The following PCYT2 variants were observed in gnomAD, a reference collection of about 807,000 sequenced individuals.
The protein encoded by PCYT2 is ethanolamine-phosphate cytidylyltransferase.
Under a neutral mutation model 50.0 loss-of-function variants are expected in PCYT2, and 33 were observed. The observed-to-expected ratio is 0.66, with a 90% CI of 0.50 to 0.88. The LOEUF (loss-of-function observed/expected upper bound fraction) is 0.88. PCYT2 is among the 40% of genes least tolerant of loss of function. The pLI, the probability that PCYT2 is intolerant of heterozygous loss-of-function variation, is 0.00. For synonymous variants in PCYT2, 240 were observed against 203.7 expected (o/e 1.18, Z -1.52); for missense variants, 430 against 519.7 (o/e 0.83, Z 1.68).
chr17:81,906,965 C>T, intron 6 of PCYT2, 67 bp from the exon 7 acceptor site: 3 of 1,531,230 alleles, frequency 2.0e-6, no homozygotes, highest in Non-Finnish European at 2.7e-6. Flanking sequence ...ACCAGGTCAC[C>T]AAACCCTCAG....
Position 81,902,352 on chromosome 17 carries a change from G to T in PCYT2, c.*2481C>A. 7.4e-7 allele frequency: 1 copy of T among 1,348,746 alleles called. No individual in the cohort carries two copies. Among genetic ancestry groups the T allele is most frequent in the South Asian group, 1.9e-5 (1 of 51,352 alleles). 83.5% of individuals were successfully genotyped at this position (1,348,746 alleles called of 1,614,324 possible). A position where few individuals can be genotyped will look rare whatever the true frequency, so the allele number is the denominator to read the frequency against. ...TGCTGGCGCCGCCTGGCCTCGCGTGGTACAAGCCAGCGGCGGGGCACAGCT... is the reference window on the plus strand; with the variant it reads ...TGCTGGCGCCGCCTGGCCTCGCGTGTTACAAGCCAGCGGCGGGGCACAGCT... On this transcript the variant is annotated 3_prime_UTR_variant, in exon 13 of 13. Transcript: ENST00000538936.
In PCYT2 at chr17:81,901,178, C is replaced by T. The variant is rs895693270; in HGVS notation, c.*3655G>A. Reference sequence around the variant, plus strand: ...TCCGAGAGTCCAAAAGCTGAAGAACCTGGAGGCCGACGTGCGAGGGCGGGA... The same window carrying T: ...TCCGAGAGTCCAAAAGCTGAAGAACTTGGAGGCCGACGTGCGAGGGCGGGA... On this transcript the variant is annotated 3_prime_UTR_variant, in exon 13 of 13. Transcript: ENST00000538936. 2.6e-5 allele frequency: 4 copies of T among 151,618 alleles called. No individual in the cohort carries two copies. Among genetic ancestry groups the T allele is most frequent in the Non-Finnish European group, 5.9e-5 (4 of 67,838 alleles). 9.4% of individuals were successfully genotyped at this position (151,618 alleles called of 1,614,324 possible). A position where few individuals can be genotyped will look rare whatever the true frequency, so the allele number is the denominator to read the frequency against.
In PCYT2 at chr17:81,902,115, A is replaced by G. The variant is rs368625521; in HGVS notation, c.*2718T>C. ...CGCGGCTGGTTCCTTTGGGATGCGG[A>G]GGTGCGACGGCTCCTCCGCGCGCGC... On this transcript the variant is annotated 3_prime_UTR_variant, in exon 13 of 13. Transcript: ENST00000538936. 12 of 510,864 alleles carry G rather than the reference A, an allele frequency of 2.3e-5. No individual in the cohort carries two copies. Among genetic ancestry groups the G allele is most frequent in the African/African-American group, 4.1e-5 (2 of 49,360 alleles). 31.6% of individuals were successfully genotyped at this position (510,864 alleles called of 1,614,324 possible).
In PCYT2 at chr17:81,908,945, G is replaced by C; in HGVS notation, c.271C>G (p.Pro91Ala). The change falls in exon 3 of 13, where the codon CCA (proline) becomes GCA (alanine). Residue 91 changes from proline (P) to alanine (A), a missense_variant. By Grantham distance (27) the Pro-to-Ala change is conservative. Around this residue, in one of 4 missense-constraint regions of PCYT2, gnomAD observed 117 missense variants for 163.9 expected, o/e 0.71. Transcript: ENST00000538936. Reference protein sequence around the residue: ...QAIKWVDEVVPAAPYVTTLET... With the variant: ...QAIKWVDEVVAAAPYVTTLET... ...AGTGTAGTGACGTAGGGAGCCGCTG[G>C]CACCACCTCGTCCACCCATTTGATG... 6.2e-7 allele frequency: 1 copy of C among 1,613,990 alleles called. No individual in the cohort carries two copies. Among genetic ancestry groups the C allele is most frequent in the Non-Finnish European group, 8.5e-7 (1 of 1,179,994 alleles).
rs771656800 is a variant in PCYT2 at position 81,905,422 on chromosome 17, G to C, written c.929C>G (p.Thr310Arg). The change falls in exon 11 of 13, where the codon ACA (threonine) becomes AGA (arginine). Residue 310 changes from threonine (T) to arginine (R), a missense_variant. Transcript: ENST00000538936. Reference protein sequence around the residue: ...FKVDLVCHGKTEIIPDRDGSD... With the variant: ...FKVDLVCHGKREIIPDRDGSD... ...GCCATCCCTGTCAGGGATAATTTCT[G>C]TCTTGCCGTGACACACCAGGTCCAC... is the stretch of plus-strand genomic sequence containing the variant. 5.7e-6 allele frequency: 9 copies of C among 1,567,122 alleles called. No individual in the cohort carries two copies. The Admixed American group carries it at 1.3e-4, about 23-fold the overall frequency.
intron 9 of PCYT2, 63 bp downstream of exon 9, chr17:81,906,037 T>G: frequency 7.0e-7 from 1 of 1,435,756 alleles, no homozygotes; most frequent in Non-Finnish European, 9.6e-7. Context: ...GGGAGGCCCT[T>G]AGTAGGGGGG....
At chr17:81,910,394 C>G (rs2040522799) in intron 1 of PCYT2, among the ~76,000 whole-genome samples, 1 of 152,258 alleles carries the variant, frequency 6.6e-6, no homozygotes, top group South Asian at 2.1e-4. Flanking sequence ...TGCTCCACTG[C>G]ACACCACTGC....
In PCYT2 at chr17:81,902,839, A is replaced by G; in HGVS notation, c.*1994T>C. ...CCCCTCCGGCGCGGGATGGCGCCCCAGGTCTCCCCTACTCCGCTCACCCCG... is the reference window on the plus strand; with the variant it reads ...CCCCTCCGGCGCGGGATGGCGCCCCGGGTCTCCCCTACTCCGCTCACCCCG... On this transcript the variant is annotated 3_prime_UTR_variant, in exon 13 of 13. Transcript: ENST00000538936. The G allele has an allele frequency of 8.3e-7, 1 of 1,197,920 alleles. No homozygotes were observed. The highest frequency in any genetic ancestry group is 1.1e-6 in the Non-Finnish European group (1 of 870,328). 74.2% of individuals were successfully genotyped at this position (1,197,920 alleles called of 1,614,324 possible). A position where few individuals can be genotyped will look rare whatever the true frequency, so the allele number is the denominator to read the frequency against.
chr17:81,908,849 C>A (rs893163224), intron 3 of PCYT2, 27 bp downstream of exon 3: 1 of 1,589,276 alleles, frequency 6.3e-7, no homozygotes. Context: ...TGTCCCCAGG[C>A]CCCCAGGTCC....
At chr17:81,907,321 C>T in intron 6 of PCYT2, 2 of 1,428,790 alleles carry the variant, frequency 1.4e-6, no homozygotes, top group South Asian at 2.6e-5. Context: ...CAAATCCTTG[C>T]TCCTCCAAGC....
chr17:81,906,095 C>T lies in PCYT2; in HGVS notation c.837+5G>A. On this transcript the variant is annotated splice_donor_5th_base_variant and intron_variant, in intron 9 of 12. Coordinates refer to ENST00000538936, the MANE Select transcript of PCYT2 (RefSeq NM_002861.5). ...TCCTTGGGCTGGCTCCTGGCCCCCA[C>T]TCACCCGGCAGGCCAGCACGCTCAG... 2 of 1,608,118 alleles carry T rather than the reference C, an allele frequency of 1.2e-6. No individual in the cohort carries two copies. The highest frequency in any genetic ancestry group is 1.7e-6 in the Non-Finnish European group (2 of 1,176,870).
chr17:81,908,354 C>T (rs566634150), intron 4 of PCYT2, among the ~76,000 whole-genome samples: 43 of 152,370 alleles, frequency 2.8e-4, no homozygotes, highest in African/African-American at 1.0e-3. Context: ...CTTTGGAGCC[C>T]TGGGGCCATG....
rs2040362385 is a variant in PCYT2 at position 81,907,843 on chromosome 17, G to A, written c.422C>T (p.Thr141Met). The A allele has an allele frequency of 1.9e-6, 3 of 1,610,342 alleles. No homozygotes were observed. The highest frequency in any genetic ancestry group is 2.5e-6 in the Non-Finnish European group (3 of 1,177,984). The change falls in exon 5 of 13, where the codon ACG becomes ATG. Residue 141 changes from threonine to methionine, a missense_variant. This residue lies in a region of PCYT2 where 117 missense variants were observed against 163.9 expected (regional missense o/e 0.71). Coordinates refer to ENST00000538936, the MANE Select transcript of PCYT2 (RefSeq NM_002861.5). ...QAGRYRECKRTQGVSTTDLVG... is the reference protein window; with the variant it reads ...QAGRYRECKRMQGVSTTDLVG... The stretch of plus-strand genomic sequence containing the variant: ...GAGGTCTGTGGTGGACACCCCTTGC[G>A]TGCGCTTGCATTCTCTGGGGGACAC...
chr17:81,908,173 C>CG (rs1401724815), intron 4 of PCYT2, among the ~76,000 whole-genome samples: 4 of 149,604 alleles, frequency 2.7e-5, no homozygotes, highest in Non-Finnish European at 6.0e-5. Flanking sequence ...CTCACACCCA[C>CG]GTCCTGCCCG....
At position 81,904,620 on chromosome 17, in the gene PCYT2, A is replaced by G. The variant is rs931118667; in HGVS notation, c.*213T>C. On this transcript the variant is annotated 3_prime_UTR_variant, in exon 13 of 13. Coordinates refer to ENST00000538936, the MANE Select transcript of PCYT2 (RefSeq NM_002861.5). The stretch of plus-strand genomic sequence containing the variant: ...TGCCCGTCTCACTTCCGGCCTCTCC[A>G]CTGTGCTGGACACCCTCTCTGAGCA... 9 of 542,880 alleles carry G rather than the reference A, an allele frequency of 1.7e-5. No homozygotes were observed. The highest frequency in any genetic ancestry group is 2.9e-5 in the Non-Finnish European group (9 of 306,164). The allele number at this position is 542,880 out of a possible 1,614,324, so 33.6% of individuals were successfully genotyped here. A position where few individuals can be genotyped will look rare whatever the true frequency, so the allele number is the denominator to read the frequency against.
At chr17:81,907,435 G>A (rs906351387) in intron 6 of PCYT2, 119 bp downstream of exon 6, 2 of 1,254,916 alleles carry the variant, frequency 1.6e-6, no homozygotes, top group Non-Finnish European at 2.2e-6. Flanking sequence ...TCAGTGCCAG[G>A]GACAGAGGGA....
At chr17:81,906,278 C>A in intron 8 of PCYT2, 101 bp from the exon 9 acceptor site, 1 of 1,219,988 alleles carries the variant, frequency 8.2e-7, no homozygotes. Flanking sequence ...GGAGGTTGCT[C>A]GCCCTTGTGG....
intron 6 of PCYT2, chr17:81,907,194 G>C: frequency 6.5e-7 from 1 of 1,528,328 alleles, no homozygotes; most frequent in Non-Finnish European, 8.8e-7. Context: ...TGAGACCACT[G>C]TCTGGTCACC....
At position 81,901,579 on chromosome 17, in the gene PCYT2, G is replaced by C. The variant is rs528089019; in HGVS notation, c.*3254C>G. On this transcript the variant is annotated 3_prime_UTR_variant, in exon 13 of 13. Transcript: ENST00000538936. ...GGGAGCATGAAATGGTGAGGGCACA[G>C]TGAGCTTGAAGGCTGATGTCACCTG... 4.6e-5 allele frequency: 7 copies of C among 152,488 alleles called. No homozygotes were observed. The South Asian group carries it at 8.3e-4, about 18-fold the overall frequency. 9.4% of individuals were successfully genotyped at this position (152,488 alleles called of 1,614,324 possible). A position where few individuals can be genotyped will look rare whatever the true frequency, so the allele number is the denominator to read the frequency against.
Sources: gnomAD v4.1 joint callset for allele counts (sites outside exome capture counted in the v4.1 genomes callset) on GRCh38, gnomAD v4.1.1 for gene constraint, gnomAD v4.1.1 regional missense constraint, MANE v1.5 for transcripts, NCBI Gene and HGNC (gene_info 2026-07-23, HGNC 2026-07-21) for gene names.